Variants in SEC23IP observed in about 807,000 individuals in gnomAD.
SEC23IP encodes SEC23-interacting protein.
A neutral mutation model predicts 113.4 loss-of-function variants in SEC23IP; 70 were observed. The ratio of observed to expected loss-of-function variants is 0.62; its 90% CI spans 0.51 to 0.75. SEC23IP has a LOEUF of 0.75. Among genes scored for constraint, SEC23IP ranks in the 30% least tolerant of loss-of-function variants. The pLI is 0.00. For missense variants in SEC23IP, 1,160 were observed against 1,204.9 expected (o/e 0.96, Z 0.55); for synonymous variants, 398 against 421.0 (o/e 0.95, Z 0.67).
At chr10:119,918,130 A>T (rs1564916369) in intron 9 of SEC23IP, 86 bp downstream of exon 9, 4 of 1,096,320 alleles carry the variant, frequency 3.6e-6, no homozygotes, top group Non-Finnish European at 5.3e-6. Flanking sequence ...TTAGTGCAAA[A>T]TTAAGAATTA....
intron 2 of SEC23IP, among the ~76,000 whole-genome samples, chr10:119,899,330 C>A (rs12257358): frequency 0.18 from 27,008 of 152,106 alleles, 2,589 homozygotes; most frequent in Non-Finnish European, 0.22. Flanking sequence ...TCAATCAAAA[C>A]ACTCAATTAC....
chr10:119,901,335 T>G (rs1410784702), intron 2 of SEC23IP, among the ~76,000 whole-genome samples: 1 of 151,998 alleles, frequency 6.6e-6, no homozygotes, highest in Non-Finnish European at 1.5e-5. Context: ...GTTTATTTAC[T>G]TATTTTTTTT....
chr10:119,898,392 C>T, intron 1 of SEC23IP, 35 bp from the exon 2 acceptor site: 1 of 1,570,120 alleles, frequency 6.4e-7, no homozygotes. Context: ...TGATAGAGTA[C>T]CCTTTAAACC....
At chr10:119,895,197 A>G (rs1003720098) in intron 1 of SEC23IP, among the ~76,000 whole-genome samples, 1 of 152,128 alleles carries the variant, frequency 6.6e-6, no homozygotes, top group South Asian at 2.1e-4. Flanking sequence ...CAACCTGGCC[A>G]ACATGGTGAA....
At chr10:119,939,241 T>C (rs538202759) in intron 18 of SEC23IP, among the ~76,000 whole-genome samples, 1 of 150,712 alleles carries the variant, frequency 6.6e-6, no homozygotes, top group South Asian at 2.1e-4. Context: ...ATTGCTGGAG[T>C]TCGGGAGATT....
At chr10:119,918,319 A>G (rs1360081319) in intron 9 of SEC23IP, 74 bp from the exon 10 acceptor site, 3 of 896,550 alleles carry the variant, frequency 3.3e-6, no homozygotes, top group Non-Finnish European at 3.6e-6. Flanking sequence ...ACTTTTGACT[A>G]TAGACAGTGA....
intron 17 of SEC23IP, 24 bp downstream of exon 17, chr10:119,933,191 C>T (rs1258021632): frequency 1.2e-6 from 2 of 1,607,220 alleles, no homozygotes; most frequent in Admixed American, 3.4e-5. Flanking sequence ...AATTTGGTAA[C>T]ATTTGAGTGG....
chr10:119,931,109 A>G (rs1393094301), intron 15 of SEC23IP, among the ~76,000 whole-genome samples: 1 of 152,070 alleles, frequency 6.6e-6, no homozygotes, highest in African/African-American at 2.4e-5. Context: ...ATTATTAGAC[A>G]ACAGTAGAAA....
intron 6 of SEC23IP, among the ~76,000 whole-genome samples, chr10:119,912,876 A>C (rs184103507): frequency 1.3e-5 from 2 of 151,992 alleles, no homozygotes; most frequent in African/African-American, 4.8e-5. Flanking sequence ...CCTGGCCTCA[A>C]GTCATCCACC....
chr10:119,894,353 G>A (rs1039703096), intron 1 of SEC23IP, among the ~76,000 whole-genome samples: 2 of 152,164 alleles, frequency 1.3e-5, no homozygotes, highest in African/African-American at 2.4e-5. Context: ...ATGGAGAAGC[G>A]AAGACAGGCA....
intron 11 of SEC23IP, 143 bp downstream of exon 11, chr10:119,919,739 A>T (rs1351521167): frequency 1.4e-6 from 1 of 712,268 alleles, no homozygotes; most frequent in Non-Finnish European, 2.1e-6. Context: ...AACACAGAAG[A>T]ATATTTTTTT....
At chr10:119,911,726 C>G (rs575188206) in intron 5 of SEC23IP, among the ~76,000 whole-genome samples, 1 of 152,264 alleles carries the variant, frequency 6.6e-6, no homozygotes, top group East Asian at 1.9e-4. Context: ...CCTCCCACCT[C>G]AGCCTCCCAA....
intron 5 of SEC23IP, among the ~76,000 whole-genome samples, chr10:119,910,708 A>C (rs1283500067): frequency 6.6e-6 from 1 of 152,116 alleles, no homozygotes; most frequent in East Asian, 1.9e-4. Context: ...TTAAGAAATA[A>C]GGTCTCACTC....
intron 8 of SEC23IP, 76 bp downstream of exon 8, chr10:119,915,965 T>A: frequency 8.2e-7 from 1 of 1,212,884 alleles, no homozygotes; most frequent in African/African-American, 1.6e-5. Context: ...TATGAAATAG[T>A]TTATTGTAGC....
At chr10:119,912,724 T>G (rs1296776281) in intron 6 of SEC23IP, among the ~76,000 whole-genome samples, 2 of 147,314 alleles carry the variant, frequency 1.4e-5, no homozygotes, top group Non-Finnish European at 3.0e-5. Flanking sequence ...CATTACAACC[T>G]CCGCCTCCCA....
In SEC23IP at chr10:119,932,120, T is replaced by G. The variant is rs745905943; in HGVS notation, c.2573-13T>G. The G allele has an allele frequency of 6.3e-7, 1 of 1,580,288 alleles. No individual in the cohort carries two copies. Among genetic ancestry groups the G allele is most frequent in the South Asian group, 1.1e-5 (1 of 89,454 alleles). ...TGACTAATTAACTTGTTGTGTCATCTTAATCTCTTTAGAATTGAAAGAGAG... is the reference window on the plus strand; with the variant it reads ...TGACTAATTAACTTGTTGTGTCATCGTAATCTCTTTAGAATTGAAAGAGAG... On this transcript the variant is annotated splice_polypyrimidine_tract_variant and intron_variant, in intron 15 of 18. Transcript: ENST00000369075.
intron 4 of SEC23IP, among the ~76,000 whole-genome samples, chr10:119,906,831 C>T (rs891709733): frequency 6.6e-6 from 1 of 152,104 alleles, no homozygotes; most frequent in East Asian, 1.9e-4. Flanking sequence ...CCACCTCGGC[C>T]TCCCAGAGTG....
Position 119,931,271 on chromosome 10 carries a change from C to CA in SEC23IP, c.2573-844dup, listed in dbSNP as rs71019733. Among the ~76,000 whole-genome samples the CA allele has an allele frequency of 8.3e-3, 771 of 93,248 alleles. 8 individuals are homozygous for CA. The highest frequency in any genetic ancestry group is 0.023 in the African/African-American group (584 of 25,132). The allele number at this position is 93,248 out of a possible 152,430, so 61.2% of individuals were successfully genotyped here. A position where few individuals can be genotyped will look rare whatever the true frequency, so the allele number is the denominator to read the frequency against. ...CTCCAGTCTCCGAGAGACTCCGTCTCAAAAAAAAAAAAAAAAAAGAATCCT... is the reference window on the plus strand; with the variant it reads ...CTCCAGTCTCCGAGAGACTCCGTCTCAAAAAAAAAAAAAAAAAAAGAATCCT... On this transcript the variant is annotated intron_variant, in intron 15 of 18. Transcript: ENST00000369075.
At chr10:119,897,991 C>T (rs1378326227) in intron 1 of SEC23IP, among the ~76,000 whole-genome samples, 7 of 146,306 alleles carry the variant, frequency 4.8e-5, no homozygotes, top group Admixed American at 1.4e-4. Flanking sequence ...GGCGACAGAG[C>T]GAGACGCCGT....
Sources: allele counts gnomAD v4.1 joint callset (sites outside exome capture counted in the v4.1 genomes callset), GRCh38; gene constraint gnomAD v4.1.1; transcripts MANE v1.5; gene names NCBI Gene and HGNC (gene_info 2026-07-23, HGNC 2026-07-21).